ANK1: variants seen among roughly 807,000 people sequenced by gnomAD.
ANK1 encodes ankyrin 1.
In ANK1, 51 loss-of-function variants were observed where a neutral mutation model predicts 210.4. That is an observed-to-expected ratio of 0.24 (90% CI 0.19 to 0.31). The LOEUF (loss-of-function observed/expected upper bound fraction) is 0.31. Among genes scored for constraint, ANK1 ranks in the 10% least tolerant of loss-of-function variants. The probability of loss-of-function intolerance (pLI) is 1.00; values close to 1 mark genes in which losing one functional copy is unlikely to be tolerated. For missense variants in ANK1, 2,051 were observed against 2,504.4 expected (o/e 0.82, Z 3.86); for synonymous variants, 967 against 1,025.9 (o/e 0.94, Z 1.10).
upstream of ANK1, chr8:41,797,708 G>C (rs986921993): frequency 1.8e-6 from 2 of 1,086,730 alleles, no homozygotes; most frequent in Admixed American, 7.1e-5. The surrounding 1 kb of genome is among the most constrained non-coding windows in gnomAD (Gnocchi z 4.0). Flanking sequence ...CTCCCGGCAC[G>C]GGCGGGCGGA....
intron 16 of ANK1, among the ~76,000 whole-genome samples, chr8:41,712,815 T>C (rs1026227221): frequency 2.4e-4 from 37 of 152,242 alleles, no homozygotes; most frequent in African/African-American, 8.7e-4. Context: ...TTAGTTATCT[T>C]TAAATATAAT....
At chr8:41,822,126 AAGAAAG>A (rs1311719721) in intron 1 of ANK1, among the ~76,000 whole-genome samples, 487 of 29,626 alleles carry the variant, frequency 0.016, 2 homozygotes, top group African/African-American at 0.053. Context: ...AAGAAAGAGA[AAGAAAG>A]AGAAAGAAAG....
chr8:41,775,940 A>G (rs1843933880), intron 1 of ANK1, among the ~76,000 whole-genome samples: 1 of 152,204 alleles, frequency 6.6e-6, no homozygotes, highest in South Asian at 2.1e-4. Context: ...TGTTCAAAGC[A>G]TGTTAGATGT....
At chr8:41,854,874 C>T (rs946719340) in intron 1 of ANK1, among the ~76,000 whole-genome samples, 7 of 151,302 alleles carry the variant, frequency 4.6e-5, no homozygotes, top group Non-Finnish European at 1.0e-4. Flanking sequence ...TGCTTGAGCC[C>T]GAGTTGGAGG....
At position 41,713,915 on chromosome 8, in the gene ANK1, C is replaced by T. The variant is rs558889; in HGVS notation, c.1800+241G>A. Among the ~76,000 whole-genome samples, 47,846 of 152,056 alleles carry T rather than the reference C, an allele frequency of 0.31. 8,634 individuals are homozygous for T. Among genetic ancestry groups the T allele is most frequent in the East Asian group, 0.65 (3,349 of 5,168 alleles). On this transcript the variant is annotated intron_variant, in intron 16 of 42. Coordinates refer to ENST00000289734, the MANE Select transcript of ANK1 (RefSeq NM_000037.4). ...CACATTTGTTGTATAAAACAAGTTCCGCCTCTGCGAGGTAACCCCTGGCTG... is the reference window on the plus strand; with the variant it reads ...CACATTTGTTGTATAAAACAAGTTCTGCCTCTGCGAGGTAACCCCTGGCTG...
intron 1 of ANK1, among the ~76,000 whole-genome samples, chr8:41,778,288 G>T (rs1730431140): frequency 6.6e-6 from 1 of 152,222 alleles, no homozygotes; most frequent in South Asian, 2.1e-4. Context: ...TAGCTCAAGA[G>T]ATGCCCCAAG....
chr8:41,656,174 G>C (rs1805632288), intron 42 of ANK1, among the ~76,000 whole-genome samples: 1 of 152,256 alleles, frequency 6.6e-6, no homozygotes, highest in South Asian at 2.1e-4. Flanking sequence ...GCCAGGGCTT[G>C]TGCCAAGAAG....
intron 16 of ANK1, among the ~76,000 whole-genome samples, chr8:41,710,469 T>C (rs1412055135): frequency 1.3e-5 from 2 of 152,208 alleles, no homozygotes; most frequent in East Asian, 1.9e-4. Context: ...CCTTGGGACC[T>C]TGTTAAAATG....
chr8:41,718,266 C>CAGA, intron 10 of ANK1, 62 bp from the exon 11 acceptor site: 1 of 1,535,076 alleles, frequency 6.5e-7, no homozygotes, highest in Admixed American at 1.7e-5. Context: ...AAGGAACGCC[C>CAGA]AGAAGACCAC....
At chr8:41,884,069 G>A (rs144638641) in intron 1 of ANK1, among the ~76,000 whole-genome samples, 141 of 152,286 alleles carry the variant, frequency 9.3e-4, no homozygotes, top group African/African-American at 1.7e-3. Flanking sequence ...GTGCCACTAC[G>A]GCTGAGCGCA....
intron 2 of ANK1, among the ~76,000 whole-genome samples, chr8:41,757,602 T>A (rs1839453603): frequency 1.3e-5 from 2 of 152,174 alleles, no homozygotes; most frequent in Admixed American, 1.3e-4. Context: ...TGTCAGCACC[T>A]AACACAAGCG....
At chr8:41,782,973 TC>T (rs1241358485) in intron 1 of ANK1, among the ~76,000 whole-genome samples, 1 of 152,166 alleles carries the variant, frequency 6.6e-6, no homozygotes, top group Non-Finnish European at 1.5e-5. Context: ...TCATCCCAAA[TC>T]CATTTCATCT....
In ANK1 at chr8:41,699,633, C is replaced by T. The variant is rs1822132480; in HGVS notation, c.2462-85G>A. The T allele has an allele frequency of 3.1e-6, 4 of 1,290,408 alleles. 1 individual carries two copies. In the South Asian group the frequency reaches 4.7e-5, roughly 15 times the overall value. The allele number at this position is 1,290,408 out of a possible 1,614,324, so 79.9% of individuals were successfully genotyped here. On this transcript the variant is annotated intron_variant, in intron 22 of 42. Coordinates refer to ENST00000289734, the MANE Select transcript of ANK1 (RefSeq NM_000037.4). ...TAAAAAAGCTCTGTTCCCGCTCCGC[C>T]TCTGGGGGCTTGCTCCTGAGGAGTG...
At chr8:41,700,484 G>A (rs1376675745) in intron 22 of ANK1, 2 of 1,611,266 alleles carry the variant, frequency 1.2e-6, no homozygotes, top group Admixed American at 3.3e-5. Context: ...AGAATTGAAA[G>A]AAGGACCACA....
rs1421434046 is a variant in ANK1, at chr8:41,797,422, T to C, written c.27+90A>G. ...GCGAGGCGGGTGGGGTGTGCAAAGC[T>C]GCTCTTGCTCGCGTGCTGCCTACTG... On this transcript the variant is annotated intron_variant, in intron 1 of 42. Coordinates refer to ENST00000289734, the MANE Select transcript of ANK1 (RefSeq NM_000037.4). This position sits in a 1 kb window ranked among gnomAD's most constrained non-coding sequence, Gnocchi z 4.0. 3.2e-6 allele frequency: 4 copies of C among 1,233,122 alleles called. No individual in the cohort carries two copies. The highest frequency in any genetic ancestry group is 4.7e-6 in the Non-Finnish European group (4 of 857,700). The allele number at this position is 1,233,122 out of a possible 1,614,324, so 76.4% of individuals were successfully genotyped here.
chr8:41,843,684 C>A (rs1809467838), intron 1 of ANK1, among the ~76,000 whole-genome samples: 1 of 152,170 alleles, frequency 6.6e-6, no homozygotes, highest in African/African-American at 2.4e-5. Context: ...TTCACCAAAC[C>A]CCACAATGCC....
Position 41,654,594 on chromosome 8 carries a change from T to C in ANK1, c.*1196A>G, listed in dbSNP as rs546957844. 1.3e-5 allele frequency: 2 copies of C among 152,802 alleles called. No homozygotes were observed. The highest frequency in any genetic ancestry group is 4.1e-4 in the South Asian group (2 of 4,832). 9.5% of individuals were successfully genotyped at this position (152,802 alleles called of 1,614,324 possible). A position where few individuals can be genotyped will look rare whatever the true frequency, so the allele number is the denominator to read the frequency against. ...GATACATTCACTAGCCCTACTCCTT[T>C]CCTTCCTCTTTCACTGAAAGACAGG... On this transcript the variant is annotated 3_prime_UTR_variant, in exon 43 of 43. Transcript: ENST00000289734.
chr8:41,746,174 A>G (rs1280204320), intron 2 of ANK1, among the ~76,000 whole-genome samples: 1 of 152,216 alleles, frequency 6.6e-6, no homozygotes, highest in Non-Finnish European at 1.5e-5. Context: ...CTGCGGGGCC[A>G]TACCACCTGC....
intron 1 of ANK1, among the ~76,000 whole-genome samples, chr8:41,813,513 T>C (rs1013263930): frequency 2.6e-5 from 4 of 152,154 alleles, no homozygotes; most frequent in African/African-American, 9.7e-5. Flanking sequence ...CACCCCCAAT[T>C]TTACCAAAGG....
Sources: gnomAD v4.1 joint callset for allele counts (sites outside exome capture counted in the v4.1 genomes callset) on GRCh38, gnomAD v4.1.1 for gene constraint, Gnocchi (gnomAD v3.1) non-coding constraint, MANE v1.5 for transcripts, NCBI Gene and HGNC (gene_info 2026-07-23, HGNC 2026-07-21) for gene names.